The following HDGFL1 variants were observed in gnomAD, a reference collection of about 807,000 sequenced individuals.
HDGFL1 encodes the protein hepatoma-derived growth factor-like protein 1.
For missense variants in HDGFL1, 422 were observed against 365.3 expected (o/e 1.16, Z -1.27); for synonymous variants, 190 against 165.1 (o/e 1.15, Z -1.16).
In HDGFL1 at chr6:22,570,204, C is replaced by G. The variant is rs941958483; in HGVS notation, c.629C>G (p.Pro210Arg). 1.3e-6 allele frequency: 2 copies of G among 1,565,430 alleles called. No individual in the cohort carries two copies. Among genetic ancestry groups the G allele is most frequent in the African/African-American group, 1.3e-5 (1 of 74,108 alleles). The change falls in exon 1 of 1, where the codon CCG becomes CGG. Residue 210 changes from proline to arginine, a missense_variant. Coordinates refer to ENST00000510882, the MANE Select transcript of HDGFL1 (RefSeq NM_138574.4). Reference sequence around the variant, plus strand: ...GAGAACGGCAGCGCCCCTAGCGAGCCGGGCCTGGTCTGCGAGCCGCCTCAG... The same window carrying G: ...GAGAACGGCAGCGCCCCTAGCGAGCGGGGCCTGGTCTGCGAGCCGCCTCAG... ...AVENGSAPSEPGLVCEPPQPE... is the reference protein window; with the variant it reads ...AVENGSAPSERGLVCEPPQPE...
rs1760909538 is a variant in HDGFL1 at position 22,570,629 on chromosome 6, C to G, written c.*298C>G. 1 of 359,262 alleles carries G rather than the reference C, an allele frequency of 2.8e-6. No homozygotes were observed. The highest frequency in any genetic ancestry group is 4.3e-5 in the East Asian group (1 of 23,276). The allele number at this position is 359,262 out of a possible 1,614,324, so 22.3% of individuals were successfully genotyped here. On this transcript the variant is annotated 3_prime_UTR_variant, in exon 1 of 1. Coordinates refer to ENST00000510882, the MANE Select transcript of HDGFL1 (RefSeq NM_138574.4). ...TCCCCCCTCTACCCGCCACCCCACC[C>G]CACCCCACCCCCGCCCACTCGTTGC...
chr6:22,569,764 G>A lies in HDGFL1; in HGVS notation c.189G>A (p.Lys63=). Residue 63 remains lysine, a synonymous_variant, in exon 1 of 1, where the codon AAG becomes AAA. Transcript: ENST00000510882. The part of the protein sequence containing the change: ...PKRLFPYKEC[K]EKFGKPNKRR... ...GCCTGTTCCCGTACAAGGAGTGCAA[G>A]GAGAAGTTCGGCAAGCCCAACAAGA... 3 of 1,614,076 alleles carry A rather than the reference G, an allele frequency of 1.9e-6. No homozygotes were observed. Among genetic ancestry groups the A allele is most frequent in the Non-Finnish European group, 2.5e-6 (3 of 1,179,982 alleles).
Position 22,570,369 on chromosome 6 carries a change from G to C in HDGFL1, c.*38G>C, listed in dbSNP as rs751229665. ...CCAGAAGAGCCCCTGCCCCGTTCCT[G>C]CTGCGGCCTGGCCGTTCTTGGGGAA... On this transcript the variant is annotated 3_prime_UTR_variant, in exon 1 of 1. Transcript: ENST00000510882. 29 of 1,421,204 alleles carry C rather than the reference G, an allele frequency of 2.0e-5. No individual in the cohort carries two copies. In the Admixed American group the frequency reaches 9.2e-4, roughly 45 times the overall value. The allele number at this position is 1,421,204 out of a possible 1,614,324, so 88.0% of individuals were successfully genotyped here. A position where few individuals can be genotyped will look rare whatever the true frequency, so the allele number is the denominator to read the frequency against.
chr6:22,570,002 G>A lies in HDGFL1; in HGVS notation c.427G>A (p.Gly143Arg). Residue 143 changes from glycine (G) to arginine (R), a missense_variant, in exon 1 of 1, where the codon GGG becomes AGG. By Grantham distance (125) the Gly-to-Arg change is moderately radical. Transcript: ENST00000510882. ...DDDKPTEEEK[G>R]PLKRSAGDPP... The stretch of plus-strand genomic sequence containing the variant: ...CGACAAGCCCACTGAGGAGGAGAAG[G>A]GGCCGCTGAAGAGGAGCGCGGGGGA... 6.5e-7 allele frequency: 1 copy of A among 1,548,664 alleles called. No homozygotes were observed. The highest frequency in any genetic ancestry group is 8.7e-7 in the Non-Finnish European group (1 of 1,146,912).
chr6:22,570,188 A>C lies in HDGFL1; in HGVS notation c.613A>C (p.Ser205Arg), dbSNP rs758332670. The C allele has an allele frequency of 7.1e-5, 111 of 1,561,988 alleles. 1 individual carries two copies. The African/African-American group carries it at 1.3e-3, about 18-fold the overall frequency. The change falls in exon 1 of 1, where the codon AGC becomes CGC. Residue 205 changes from serine to arginine, a missense_variant. Transcript: ENST00000510882. Reference protein sequence around the residue: ...SPFLVAVENGSAPSEPGLVCE... With the variant: ...SPFLVAVENGRAPSEPGLVCE... The stretch of plus-strand genomic sequence containing the variant: ...GTTCCTCGTGGCGGTGGAGAACGGC[A>C]GCGCCCCTAGCGAGCCGGGCCTGGT...
In HDGFL1 at chr6:22,570,235, G is replaced by T; in HGVS notation, c.660G>T (p.Glu220Asp). The T allele has an allele frequency of 6.4e-7, 1 of 1,562,360 alleles. No homozygotes were observed. The highest frequency in any genetic ancestry group is 2.3e-5 in the East Asian group (1 of 43,548). The change falls in exon 1 of 1, where the codon GAG becomes GAT. Residue 220 changes from glutamate to aspartate, a missense_variant. Coordinates refer to ENST00000510882, the MANE Select transcript of HDGFL1 (RefSeq NM_138574.4). ...TGGTCTGCGAGCCGCCTCAGCCAGAGGAGGAGGAGCTCCGGGAGGAAGAAG... is the reference window on the plus strand; with the variant it reads ...TGGTCTGCGAGCCGCCTCAGCCAGATGAGGAGGAGCTCCGGGAGGAAGAAG... ...PGLVCEPPQPEEEELREEEVA... is the reference protein window; with the variant it reads ...PGLVCEPPQPDEEELREEEVA...
Position 22,570,239 on chromosome 6 carries a change from G to C in HDGFL1, c.664G>C (p.Glu222Gln). 6.4e-7 allele frequency: 1 copy of C among 1,561,418 alleles called. No homozygotes were observed. Among genetic ancestry groups the C allele is most frequent in the Non-Finnish European group, 8.6e-7 (1 of 1,159,768 alleles). Residue 222 changes from glutamate to glutamine, a missense_variant, in exon 1 of 1, where the codon GAG becomes CAG. Physicochemically the swap from Glu to Gln is conservative, Grantham distance 29. Transcript: ENST00000510882. Reference protein sequence around the residue: ...LVCEPPQPEEEELREEEVADE... With the variant: ...LVCEPPQPEEQELREEEVADE... The stretch of plus-strand genomic sequence containing the variant: ...CTGCGAGCCGCCTCAGCCAGAGGAG[G>C]AGGAGCTCCGGGAGGAAGAAGTCGC...
Position 22,569,844 on chromosome 6 carries a change from CCTCCGACTG to C in HDGFL1, c.271_279del (p.Ser91_Cys93del). The C allele has an allele frequency of 6.2e-7, 1 of 1,605,490 alleles. No homozygotes were observed. Among genetic ancestry groups the C allele is most frequent in the Non-Finnish European group, 8.5e-7 (1 of 1,176,036 alleles). On this transcript the variant is annotated inframe_deletion, in exon 1 of 1. Coordinates refer to ENST00000510882, the MANE Select transcript of HDGFL1 (RefSeq NM_138574.4). ...ATCGAGAACAACCCCACGGTCCAGG[CCTCCGACTG>C]CCCATTAGCCTCAGAGAAGGGCAGC...
rs1455666814 is a variant in HDGFL1 at position 22,570,051 on chromosome 6, G to A, written c.476G>A (p.Arg159Gln). 3 of 1,545,176 alleles carry A rather than the reference G, an allele frequency of 1.9e-6. No homozygotes were observed. The highest frequency in any genetic ancestry group is 8.7e-7 in the Non-Finnish European group (1 of 1,145,350). The change falls in exon 1 of 1, where the codon CGA becomes CAA. Residue 159 changes from arginine to glutamine, a missense_variant. Physicochemically the swap from Arg to Gln is conservative, Grantham distance 43. Coordinates refer to ENST00000510882, the MANE Select transcript of HDGFL1 (RefSeq NM_138574.4). ...GACCCGCCGGAGGACGCCCCCAAAC[G>A]ACCCAAGGAGGCAGCCCCCGACCAA... ...AGDPPEDAPK[R>Q]PKEAAPDQEE...
chr6:22,570,208 C>T lies in HDGFL1; in HGVS notation c.633C>T (p.Gly211=), dbSNP rs371376684. 5 of 1,567,124 alleles carry T rather than the reference C, an allele frequency of 3.2e-6. No homozygotes were observed. The highest frequency in any genetic ancestry group is 3.8e-5 in the Admixed American group (2 of 52,464). Residue 211 remains glycine (G), a synonymous_variant, in exon 1 of 1, where the codon GGC becomes GGT. Transcript: ENST00000510882. ...ACGGCAGCGCCCCTAGCGAGCCGGG[C>T]CTGGTCTGCGAGCCGCCTCAGCCAG... ...VENGSAPSEP[G]LVCEPPQPEE... is the part of the protein sequence containing the mutation.
Position 22,569,879 on chromosome 6 carries a change from G to A in HDGFL1, c.304G>A (p.Gly102Arg). The change falls in exon 1 of 1, where the codon GGA becomes AGA. Residue 102 changes from glycine to arginine, a missense_variant. Physicochemically the swap from Gly to Arg is moderately radical, Grantham distance 125 (BLOSUM62 -2). Coordinates refer to ENST00000510882, the MANE Select transcript of HDGFL1 (RefSeq NM_138574.4). Reference protein sequence around the residue: ...DCPLASEKGSGDGPWPEPEAA... With the variant: ...DCPLASEKGSRDGPWPEPEAA... ...CCCATTAGCCTCAGAGAAGGGCAGC[G>A]GAGACGGGCCTTGGCCGGAGCCCGA... 6.3e-7 allele frequency: 1 copy of A among 1,580,814 alleles called. No individual in the cohort carries two copies. Among genetic ancestry groups the A allele is most frequent in the Non-Finnish European group, 8.6e-7 (1 of 1,163,736 alleles).
At position 22,570,119 on chromosome 6, in the gene HDGFL1, G is replaced by A; in HGVS notation, c.544G>A (p.Ala182Thr). 6.7e-7 allele frequency: 1 copy of A among 1,495,450 alleles called. No individual in the cohort carries two copies. Among genetic ancestry groups the A allele is most frequent in the Non-Finnish European group, 9.0e-7 (1 of 1,115,090 alleles). The allele number at this position is 1,495,450 out of a possible 1,614,324, so 92.6% of individuals were successfully genotyped here. ...GGAGAGGGCGGCGGAAGCGGAGAGG[G>A]CGGCGGCGGCGGCGGCGGCGACGGC... Reference protein sequence around the residue: ...EAERAAEAERAAAAAAATAVD... With the variant: ...EAERAAEAERTAAAAAATAVD... Residue 182 changes from alanine (A) to threonine (T), a missense_variant, in exon 1 of 1, where the codon GCG becomes ACG. Coordinates refer to ENST00000510882, the MANE Select transcript of HDGFL1 (RefSeq NM_138574.4).
In HDGFL1 at chr6:22,570,515, G is replaced by T. The variant is rs985719255; in HGVS notation, c.*184G>T. 32 of 489,244 alleles carry T rather than the reference G, an allele frequency of 6.5e-5. No individual in the cohort carries two copies. The highest frequency in any genetic ancestry group is 5.9e-4 in the African/African-American group (29 of 49,322). 30.3% of individuals were successfully genotyped at this position (489,244 alleles called of 1,614,324 possible). On this transcript the variant is annotated 3_prime_UTR_variant, in exon 1 of 1. Coordinates refer to ENST00000510882, the MANE Select transcript of HDGFL1 (RefSeq NM_138574.4). ...CAGGCCACCTGACTCTCACCTCTGT[G>T]CCCCCACGCCTCTGTGATCTGAGTC... is the stretch of plus-strand genomic sequence containing the variant.
rs1293672813 is a variant in HDGFL1, at chr6:22,570,125, G to A, written c.550G>A (p.Ala184Thr). 2 of 1,532,780 alleles carry A rather than the reference G, an allele frequency of 1.3e-6. No homozygotes were observed. The highest frequency in any genetic ancestry group is 2.7e-5 in the African/African-American group (2 of 72,840). The allele number at this position is 1,532,780 out of a possible 1,614,324, so 94.9% of individuals were successfully genotyped here. The change falls in exon 1 of 1, where the codon GCG (alanine) becomes ACG (threonine). Residue 184 changes from alanine to threonine, a missense_variant. Physicochemically the swap from Ala to Thr is moderately conservative, Grantham distance 58. Coordinates refer to ENST00000510882, the MANE Select transcript of HDGFL1 (RefSeq NM_138574.4). ...ERAAEAERAA[A>T]AAAATAVDEE... is the part of the protein sequence containing the mutation. The stretch of plus-strand genomic sequence containing the variant: ...GGCGGCGGAAGCGGAGAGGGCGGCG[G>A]CGGCGGCGGCGGCGACGGCCGTCGA...
Position 22,570,299 on chromosome 6 carries a change from G to T in HDGFL1, c.724G>T (p.Ala242Ser). 6.7e-7 allele frequency: 1 copy of T among 1,498,474 alleles called. No individual in the cohort carries two copies. The allele number at this position is 1,498,474 out of a possible 1,614,324, so 92.8% of individuals were successfully genotyped here. A position where few individuals can be genotyped will look rare whatever the true frequency, so the allele number is the denominator to read the frequency against. ...EEASQEWHAE[A>S]PGGGDRDSL ...GGCCTCCCAGGAGTGGCATGCCGAG[G>T]CACCGGGCGGCGGAGATCGCGACAG... The change falls in exon 1 of 1, where the codon GCA (alanine) becomes TCA (serine). Residue 242 changes from alanine to serine, a missense_variant. Coordinates refer to ENST00000510882, the MANE Select transcript of HDGFL1 (RefSeq NM_138574.4).
chr6:22,570,284 G>A lies in HDGFL1; in HGVS notation c.709G>A (p.Glu237Lys). Reference protein sequence around the residue: ...EEVADEEASQEWHAEAPGGGD... With the variant: ...EEVADEEASQKWHAEAPGGGD... ...AGTCGCGGACGAGGAGGCCTCCCAG[G>A]AGTGGCATGCCGAGGCACCGGGCGG... is the stretch of plus-strand genomic sequence containing the variant. Residue 237 changes from glutamate (E) to lysine (K), a missense_variant, in exon 1 of 1, where the codon GAG becomes AAG. Coordinates refer to ENST00000510882, the MANE Select transcript of HDGFL1 (RefSeq NM_138574.4). 1 of 1,515,160 alleles carries A rather than the reference G, an allele frequency of 6.6e-7. No homozygotes were observed. The highest frequency in any genetic ancestry group is 8.8e-7 in the Non-Finnish European group (1 of 1,138,664). The allele number at this position is 1,515,160 out of a possible 1,614,324, so 93.9% of individuals were successfully genotyped here.
chr6:22,570,336 C>T lies in HDGFL1; in HGVS notation c.*5C>T, dbSNP rs1288512778. 1 of 1,452,548 alleles carries T rather than the reference C, an allele frequency of 6.9e-7. No homozygotes were observed. Among genetic ancestry groups the T allele is most frequent in the Non-Finnish European group, 9.1e-7 (1 of 1,102,970 alleles). The allele number at this position is 1,452,548 out of a possible 1,614,324, so 90.0% of individuals were successfully genotyped here. A position where few individuals can be genotyped will look rare whatever the true frequency, so the allele number is the denominator to read the frequency against. ...GGAGATCGCGACAGCCTGTAGTTAC[C>T]AGCGTTTCCAGAAGAGCCCCTGCCC... On this transcript the variant is annotated 3_prime_UTR_variant, in exon 1 of 1. Coordinates refer to ENST00000510882, the MANE Select transcript of HDGFL1 (RefSeq NM_138574.4).
Position 22,569,691 on chromosome 6 carries a change from A to G in HDGFL1, c.116A>G (p.Gln39Arg). The G allele has an allele frequency of 1.2e-6, 2 of 1,614,164 alleles. No individual in the cohort carries two copies. Among genetic ancestry groups the G allele is most frequent in the Non-Finnish European group, 8.5e-7 (1 of 1,180,014 alleles). Reference sequence around the variant, plus strand: ...CACATGACCCAGCCCAACCGCTACCAGGTGTTTTTCTTCGGGACCCACGAG... The same window carrying G: ...CACATGACCCAGCCCAACCGCTACCGGGTGTTTTTCTTCGGGACCCACGAG... ...IEHMTQPNRY[Q>R]VFFFGTHETA... Residue 39 changes from glutamine (Q) to arginine (R), a missense_variant, in exon 1 of 1, where the codon CAG (glutamine) becomes CGG (arginine). By Grantham distance (43) the Gln-to-Arg change is conservative. Coordinates refer to ENST00000510882, the MANE Select transcript of HDGFL1 (RefSeq NM_138574.4).
Position 22,569,746 on chromosome 6 carries a change from C to A in HDGFL1, c.171C>A (p.Phe57Leu). The A allele has an allele frequency of 1.2e-6, 2 of 1,614,140 alleles. No homozygotes were observed. The highest frequency in any genetic ancestry group is 1.7e-6 in the Non-Finnish European group (2 of 1,180,040). ...CCTTCCTGAGTCCCAAACGCCTGTT[C>A]CCGTACAAGGAGTGCAAGGAGAAGT... ...ETAFLSPKRL[F>L]PYKECKEKFG... is the part of the protein sequence containing the mutation. The change falls in exon 1 of 1, where the codon TTC becomes TTA. Residue 57 changes from phenylalanine (F) to leucine (L), a missense_variant. Physicochemically the swap from Phe to Leu is conservative, Grantham distance 22 (BLOSUM62 0). Coordinates refer to ENST00000510882, the MANE Select transcript of HDGFL1 (RefSeq NM_138574.4).
Sources: allele counts gnomAD v4.1 joint callset, GRCh38; gene constraint gnomAD v4.1.1; transcripts MANE v1.5; gene names NCBI Gene and HGNC (gene_info 2026-07-23, HGNC 2026-07-21).